The following DCC variants were observed in gnomAD, a reference collection of about 807,000 sequenced individuals.
DCC encodes the protein DCC netrin 1 receptor.
A neutral mutation model predicts 172.5 loss-of-function variants in DCC; 58 were observed. That is an observed-to-expected ratio of 0.34 (90% CI 0.27 to 0.42). The LOEUF (loss-of-function observed/expected upper bound fraction) is 0.42. Ranked by LOEUF, DCC falls within the 10% of genes least tolerant of loss-of-function variation. The pLI, the probability that DCC is intolerant of heterozygous loss-of-function variation, is 1.00. For missense variants in DCC, 1,740 were observed against 1,791.0 expected, an observed-to-expected ratio of 0.97 and a Z score of 0.51; for synonymous variants, 709 against 644.5, an observed-to-expected ratio of 1.10 and a Z score of -1.52.
At chr18:53,011,743 C>T (rs1209856945) in intron 5 of DCC, among the ~76,000 whole-genome samples, 1 of 66,184 alleles carries the variant, frequency 1.5e-5, no homozygotes, top group African/African-American at 7.3e-5. Context: ...ATGGGCCCTA[C>T]CTCAATTTTT....
At chr18:52,999,613 G>T (rs1158612981) in intron 5 of DCC, among the ~76,000 whole-genome samples, 4 of 152,048 alleles carry the variant, frequency 2.6e-5, no homozygotes, top group Non-Finnish European at 4.4e-5. Context: ...TTCTATAAGT[G>T]AGAGAGCTTC....
At chr18:52,560,874 T>C (rs562668899) in intron 1 of DCC, among the ~76,000 whole-genome samples, 10 of 152,268 alleles carry the variant, frequency 6.6e-5, no homozygotes, top group African/African-American at 2.4e-4. Flanking sequence ...AATATAAACA[T>C]TTTTTGAATT....
intron 1 of DCC, among the ~76,000 whole-genome samples, chr18:52,697,913 A>G (rs1181241384): frequency 6.6e-6 from 1 of 152,172 alleles, no homozygotes; most frequent in Non-Finnish European, 1.5e-5. Context: ...ATTATCATTA[A>G]AGGGTATCAT....
At chr18:52,699,376 A>G (rs1706058000) in intron 1 of DCC, among the ~76,000 whole-genome samples, 1 of 152,194 alleles carries the variant, frequency 6.6e-6, no homozygotes, top group Non-Finnish European at 1.5e-5. Flanking sequence ...TCTCTGAAAC[A>G]GCAGAGGAAT....
chr18:53,459,548 T>G (rs1568145651), intron 24 of DCC, 90 bp downstream of exon 24: 1 of 838,028 alleles, frequency 1.2e-6, no homozygotes, highest in Admixed American at 1.8e-5. Flanking sequence ...TCTTCCCTAC[T>G]AATTTGCATG....
intron 1 of DCC, among the ~76,000 whole-genome samples, chr18:52,455,573 A>G (rs919283068): frequency 6.6e-6 from 1 of 152,292 alleles, no homozygotes; most frequent in Non-Finnish European, 1.5e-5. Context: ...CTCCAATTCT[A>G]TGTGTTATGG....
chr18:53,100,009 C>T (rs1484606704), intron 7 of DCC, among the ~76,000 whole-genome samples: 6 of 136,148 alleles, frequency 4.4e-5, no homozygotes, highest in African/African-American at 1.1e-4. Context: ...TGCAGTGGCA[C>T]AATCTTAGCT....
intron 1 of DCC, among the ~76,000 whole-genome samples, chr18:52,653,005 G>C (rs1302153771): frequency 6.6e-6 from 1 of 152,096 alleles, no homozygotes; most frequent in Admixed American, 6.6e-5. Flanking sequence ...TACTTCTAAA[G>C]CACACTTTTT....
chr18:52,357,872 A>C (rs1984441438), intron 1 of DCC, among the ~76,000 whole-genome samples: 1 of 148,934 alleles, frequency 6.7e-6, no homozygotes, highest in African/African-American at 2.5e-5. Flanking sequence ...CACGAGGCGG[A>C]GCTTGCAGTG....
At chr18:53,373,358 A>T (rs1236475555) in intron 15 of DCC, among the ~76,000 whole-genome samples, 4 of 151,808 alleles carry the variant, frequency 2.6e-5, no homozygotes, top group Non-Finnish European at 5.9e-5. Context: ...AGTCCATTTA[A>T]TTTTTTCTGT....
In DCC at chr18:52,968,645, C is replaced by A. The variant is rs544816716; in HGVS notation, c.985+43275C>A. ...AGCAATGGAAACTAGATTCAAACAA[C>A]CAGTAAAATTATTCTGTAAATAATG... On this transcript the variant is annotated intron_variant, in intron 5 of 28. Transcript: ENST00000442544. Among the ~76,000 whole-genome samples the A allele has an allele frequency of 3.3e-5, 5 of 152,258 alleles. No individual in the cohort carries two copies. In the East Asian group the frequency reaches 5.8e-4, roughly 18 times the overall value.
intron 7 of DCC, among the ~76,000 whole-genome samples, chr18:53,151,802 A>G (rs1478658195): frequency 1.3e-5 from 2 of 152,110 alleles, no homozygotes; most frequent in Non-Finnish European, 2.9e-5. Context: ...GATTCTTTCC[A>G]TTTTGAAAAT....
chr18:52,435,876 T>C (rs1267383231), intron 1 of DCC, among the ~76,000 whole-genome samples: 1 of 152,086 alleles, frequency 6.6e-6, no homozygotes, highest in Admixed American at 6.6e-5. Flanking sequence ...CAGGGGGAGA[T>C]CTCAGGAAGT....
chr18:52,950,680 T>C (rs1402019340), intron 5 of DCC, among the ~76,000 whole-genome samples: 7 of 151,572 alleles, frequency 4.6e-5, no homozygotes, highest in East Asian at 1.9e-4. Flanking sequence ...ATTCCAGCAC[T>C]TTGGGAGGCC....
chr18:52,908,330 C>A (rs1359870242), intron 3 of DCC, among the ~76,000 whole-genome samples: 1 of 152,194 alleles, frequency 6.6e-6, no homozygotes, highest in Non-Finnish European at 1.5e-5. Flanking sequence ...ATTGGTAACA[C>A]TTACATTTCA....
intron 7 of DCC, among the ~76,000 whole-genome samples, chr18:53,085,499 C>G (rs1159319888): frequency 2.0e-5 from 3 of 152,062 alleles, no homozygotes; most frequent in African/African-American, 7.2e-5. Context: ...GTTAAATAAG[C>G]TCCCCAAATC....
intron 23 of DCC, among the ~76,000 whole-genome samples, chr18:53,454,716 A>G (rs2045462428): frequency 1.3e-5 from 2 of 152,314 alleles, no homozygotes; most frequent in South Asian, 4.1e-4. Context: ...TGACAAAAAT[A>G]ATTATTTTTA....
chr18:53,263,094 A>T (rs1598961334), intron 12 of DCC, among the ~76,000 whole-genome samples: 2 of 152,222 alleles, frequency 1.3e-5, no homozygotes, highest in Non-Finnish European at 2.9e-5. Flanking sequence ...AAATGTTAAA[A>T]AATCATCTCT....
chr18:52,370,484 G>A (rs1390712679), intron 1 of DCC, among the ~76,000 whole-genome samples: 1 of 152,106 alleles, frequency 6.6e-6, no homozygotes, highest in African/African-American at 2.4e-5. Flanking sequence ...AACACCACAT[G>A]TTCTCACTTA....
Sources: allele counts gnomAD v4.1 joint callset (sites outside exome capture counted in the v4.1 genomes callset), GRCh38; gene constraint gnomAD v4.1.1; transcripts MANE v1.5; gene names NCBI Gene and HGNC (gene_info 2026-07-23, HGNC 2026-07-21).